The following ZNF516 variants were observed in gnomAD, a reference collection of about 807,000 sequenced individuals.
ZNF516 encodes zinc finger protein 516.
A neutral mutation model predicts 79.7 loss-of-function variants in ZNF516; 19 were observed. That is an observed-to-expected ratio of 0.24 (90% CI 0.17 to 0.35). The LOEUF (loss-of-function observed/expected upper bound fraction) is 0.35, where lower values mean the gene tolerates loss of function less well. Among genes scored for constraint, ZNF516 ranks in the 10% least tolerant of loss-of-function variants. ZNF516 has a pLI of 1.00. For synonymous variants in ZNF516, 877 were observed against 739.5 expected (o/e 1.19, Z -3.02); for missense variants, 1,678 against 1,679.5 (o/e 1.00, Z 0.02).
intron 1 of ZNF516, among the ~76,000 whole-genome samples, chr18:76,489,381 C>T (rs1384399385): frequency 1.3e-5 from 2 of 152,106 alleles, no homozygotes; most frequent in African/African-American, 4.8e-5. Context: ...GTCTCCTTTC[C>T]TTTTTCACAT....
At position 76,403,322 on chromosome 18, in the gene ZNF516, CCA is replaced by C. The variant is rs1248466697; in HGVS notation, c.1811-23021_1811-23020del. Among the ~76,000 whole-genome samples the C allele has an allele frequency of 3.3e-5, 5 of 152,288 alleles. No individual in the cohort carries two copies. The East Asian group carries it at 9.6e-4, about 29-fold the overall frequency. On this transcript the variant is annotated intron_variant, in intron 3 of 6. Coordinates refer to ENST00000443185, the MANE Select transcript of ZNF516 (RefSeq NM_014643.4). ...CATACACATGCAGTCAGATGAGAAG[CCA>C]CACACACAGGCACGCTGCAACGCAC...
At chr18:76,440,424 C>T (rs1391856051) in intron 3 of ZNF516, among the ~76,000 whole-genome samples, 1 of 152,184 alleles carries the variant, frequency 6.6e-6, no homozygotes, top group Non-Finnish European at 1.5e-5. Flanking sequence ...AAGGGAAAAA[C>T]ATCTTTGGCT....
intron 1 of ZNF516, among the ~76,000 whole-genome samples, chr18:76,468,123 CA>C (rs771694696): frequency 2.6e-5 from 4 of 152,138 alleles, no homozygotes; most frequent in Non-Finnish European, 4.4e-5. Context: ...TCTGATGGAT[CA>C]AAAAGGTTCA....
intron 1 of ZNF516, among the ~76,000 whole-genome samples, chr18:76,491,408 G>A (rs913503297): frequency 3.1e-5 from 2 of 63,716 alleles, no homozygotes; most frequent in Non-Finnish European, 6.4e-5. Context: ...GGCTCCCCCC[G>A]CCCGCCCCGC....
At chr18:76,380,400 T>C in intron 3 of ZNF516, 97 bp from the exon 4 acceptor site, 1 of 1,477,598 alleles carries the variant, frequency 6.8e-7, no homozygotes. Flanking sequence ...CCAAGCCATC[T>C]GTCTTCAGCG....
chr18:76,494,936 C>G (rs1397361622), intron 1 of ZNF516, among the ~76,000 whole-genome samples: 1 of 148,128 alleles, frequency 6.8e-6, no homozygotes, highest in African/African-American at 2.5e-5. Flanking sequence ...CTGGAATTGA[C>G]GAGCAGAGCA....
intron 3 of ZNF516, among the ~76,000 whole-genome samples, chr18:76,424,132 T>G (rs2554838): frequency 0.33 from 8,997 of 27,020 alleles, 2,926 homozygotes; most frequent in Non-Finnish European, 0.38. Flanking sequence ...AGGTGAAAAG[T>G]TTCCCCCATG....
chr18:76,379,462 C>T lies in ZNF516; in HGVS notation c.2652G>A (p.Gly884=), dbSNP rs1304464480. ...CGTGACAAGGTTTGGTCTGTCGATA[C>T]CCGTCAGGGCCGGGCGCCCACAGAG... is the stretch of plus-strand genomic sequence containing the variant. The part of the protein sequence containing the change: ...PCALWAPGPD[G]YRQTKPCHGQ... The change falls in exon 4 of 7, where the codon GGG becomes GGA. Residue 884 remains glycine, a synonymous_variant. Transcript: ENST00000443185. 6 of 1,613,590 alleles carry T rather than the reference C, an allele frequency of 3.7e-6. No homozygotes were observed. In the South Asian group the frequency reaches 4.4e-5, roughly 12 times the overall value.
At chr18:76,365,758 C>T (rs1599127009) in intron 6 of ZNF516, among the ~76,000 whole-genome samples, 1 of 152,210 alleles carries the variant, frequency 6.6e-6, no homozygotes, top group South Asian at 2.1e-4. Context: ...CCCACAAGAG[C>T]GGATGCCCTC....
intron 4 of ZNF516, among the ~76,000 whole-genome samples, chr18:76,372,245 G>T (rs563154991): frequency 2.0e-5 from 3 of 152,364 alleles, no homozygotes; most frequent in South Asian, 4.1e-4. Context: ...GCCGGGCTTT[G>T]TGTTTCCTTC....
intron 3 of ZNF516, among the ~76,000 whole-genome samples, chr18:76,391,230 GGCC>G (rs2075069774): frequency 6.6e-6 from 1 of 152,122 alleles, no homozygotes; most frequent in Admixed American, 6.5e-5. Flanking sequence ...TAAGGGCTCT[GGCC>G]GAGGAGGGTA....
At chr18:76,484,603 G>T in intron 1 of ZNF516, among the ~76,000 whole-genome samples, 1 of 152,204 alleles carries the variant, frequency 6.6e-6, no homozygotes, top group Admixed American at 6.5e-5. Context: ...TTTCCAAAAT[G>T]GTCTACTATT....
chr18:76,459,733 TGCTCCTGGAGCAC>T lies in ZNF516; in HGVS notation c.-158+3282_-158+3294del, dbSNP rs1046772245. Among the ~76,000 whole-genome samples, 24 of 152,298 alleles carry T rather than the reference TGCTCCTGGAGCAC, an allele frequency of 1.6e-4. No homozygotes were observed. The highest frequency in any genetic ancestry group is 2.6e-4 in the Non-Finnish European group (18 of 68,022). ...GGAAGCCTCACGCTACACCAGGCAC[TGCTCCTGGAGCAC>T]AGTGGGTATCCCATCACAACGCGGG... On this transcript the variant is annotated intron_variant, in intron 2 of 6. Transcript: ENST00000443185. This position sits in a 1 kb window ranked among gnomAD's most constrained non-coding sequence, Gnocchi z 5.0.
At position 76,451,074 on chromosome 18, in the gene ZNF516, C is replaced by T. The variant is rs1392452815; in HGVS notation, c.-157-7863G>A. Among the ~76,000 whole-genome samples, 1 of 152,100 alleles carries T rather than the reference C, an allele frequency of 6.6e-6. No homozygotes were observed. Among genetic ancestry groups the T allele is most frequent in the Non-Finnish European group, 1.5e-5 (1 of 68,026 alleles). On this transcript the variant is annotated intron_variant, in intron 2 of 6. Coordinates refer to ENST00000443185, the MANE Select transcript of ZNF516 (RefSeq NM_014643.4). The surrounding 1 kb of genome is among the most constrained non-coding windows in gnomAD (Gnocchi z 6.0). ...GAGACACCAGGGAGGAACAAAGGAG[C>T]GAGAGGAAAACTGAAAGTCCCGTTT...
At chr18:76,465,745 G>T (rs1049080894) in intron 1 of ZNF516, among the ~76,000 whole-genome samples, 3 of 152,140 alleles carry the variant, frequency 2.0e-5, no homozygotes, top group Non-Finnish European at 4.4e-5. Context: ...GGGCACAGAA[G>T]TCCCTGCACC....
At chr18:76,395,833 T>C (rs775124746) in intron 3 of ZNF516, among the ~76,000 whole-genome samples, 44 of 152,056 alleles carry the variant, frequency 2.9e-4, no homozygotes, top group Non-Finnish European at 5.0e-4. Context: ...GCCGTGAGGG[T>C]GGGCCAGCCG....
At position 76,490,659 on chromosome 18, in the gene ZNF516, C is replaced by T. The variant is rs757724270; in HGVS notation, c.-272+4485G>A. On this transcript the variant is annotated intron_variant, in intron 1 of 6. Coordinates refer to ENST00000443185, the MANE Select transcript of ZNF516 (RefSeq NM_014643.4). Reference sequence around the variant, plus strand: ...ACTCCATAGCCCCATGGTGAACGTACATCACTCAGCTTTTAAATTACCTTC... The same window carrying T: ...ACTCCATAGCCCCATGGTGAACGTATATCACTCAGCTTTTAAATTACCTTC... 9.7e-5 allele frequency: 53 copies of T among 546,242 alleles called. 1 individual carries two copies. Among genetic ancestry groups the T allele is most frequent in the Non-Finnish European group, 1.2e-4 (51 of 428,480 alleles). The allele number at this position is 546,242 out of a possible 1,614,324, so 33.8% of individuals were successfully genotyped here.
intron 1 of ZNF516, among the ~76,000 whole-genome samples, chr18:76,465,623 C>G (rs936571465): frequency 3.3e-5 from 5 of 152,184 alleles, no homozygotes; most frequent in African/African-American, 9.6e-5. Context: ...AAGACCAACC[C>G]CTGATGTGCT....
At chr18:76,395,694 G>C (rs545606943) in intron 3 of ZNF516, among the ~76,000 whole-genome samples, 1 of 151,830 alleles carries the variant, frequency 6.6e-6, no homozygotes, top group East Asian at 1.9e-4. Flanking sequence ...TGGAGGCCAC[G>C]CATTCTAGAT....
Sources: allele counts gnomAD v4.1 joint callset (sites outside exome capture counted in the v4.1 genomes callset), GRCh38; gene constraint gnomAD v4.1.1; non-coding constraint Gnocchi (gnomAD v3.1); transcripts MANE v1.5; gene names NCBI Gene and HGNC (gene_info 2026-07-23, HGNC 2026-07-21).